Variants in INPP5K observed in about 807,000 individuals in gnomAD.
The protein encoded by INPP5K is inositol polyphosphate 5-phosphatase K.
Under a neutral mutation model 53.5 loss-of-function variants are expected in INPP5K, and 35 were observed. That is an observed-to-expected ratio of 0.65 (90% CI 0.50 to 0.87). The LOEUF is 0.87. Among genes scored for constraint, INPP5K ranks in the 40% least tolerant of loss-of-function variants. The pLI is 0.00. For missense variants in INPP5K, 550 were observed against 586.2 expected, an observed-to-expected ratio of 0.94 and a Z score of 0.64; for synonymous variants, 253 against 232.8, an observed-to-expected ratio of 1.09 and a Z score of -0.79.
intron 7 of INPP5K, among the ~76,000 whole-genome samples, chr17:1,503,849 G>A (rs1328362531): frequency 1.3e-5 from 2 of 152,170 alleles, no homozygotes; most frequent in African/African-American, 2.4e-5. Flanking sequence ...AGCTGGCCTC[G>A]TTTCTCATTA....
At chr17:1,502,832 G>C (rs1043309778) in intron 7 of INPP5K, among the ~76,000 whole-genome samples, 2 of 151,884 alleles carry the variant, frequency 1.3e-5, no homozygotes, top group African/African-American at 4.8e-5. Flanking sequence ...AGGCTCAAAT[G>C]ATCCTCCTGC....
At chr17:1,503,425 C>T (rs907643213) in intron 7 of INPP5K, among the ~76,000 whole-genome samples, 15 of 152,116 alleles carry the variant, frequency 9.9e-5, no homozygotes, top group African/African-American at 3.4e-4. Flanking sequence ...ACCTCGTGAT[C>T]CACCCGCCTG....
chr17:1,502,607 T>C (rs1031398486), intron 7 of INPP5K, among the ~76,000 whole-genome samples: 1 of 151,156 alleles, frequency 6.6e-6, no homozygotes, highest in Non-Finnish European at 1.5e-5. Context: ...TAGCCCTTCT[T>C]ATGTGCCCCG....
chr17:1,500,316 G>A (rs2074972979), intron 7 of INPP5K, among the ~76,000 whole-genome samples: 1 of 152,064 alleles, frequency 6.6e-6, no homozygotes, highest in African/African-American at 2.4e-5. Context: ...TTCTTCACCA[G>A]GGAGAGGCCT....
At chr17:1,515,205 G>A (rs376907376) in intron 1 of INPP5K, among the ~76,000 whole-genome samples, 8 of 152,110 alleles carry the variant, frequency 5.3e-5, no homozygotes, top group African/African-American at 1.2e-4. Context: ...CACCGCGCCC[G>A]GCCAAGGAGT....
Position 1,498,052 on chromosome 17 carries a change from G to T in INPP5K, c.847C>A (p.Pro283Thr), listed in dbSNP as rs1365743530. ...GACGCCGGCGGTATGGGAGTGTCGG[G>T]GCCAGCACAGGGCTGCCGCTTCAGC... ...WRLKRQPCAG[P>T]DTPIPPASHF... The change falls in exon 8 of 12, where the codon CCC becomes ACC. Residue 283 changes from proline (P) to threonine (T), a missense_variant. Physicochemically the swap from Pro to Thr is conservative, Grantham distance 38. Transcript: ENST00000421807. 4.3e-6 allele frequency: 7 copies of T among 1,613,986 alleles called. No homozygotes were observed. The highest frequency in any genetic ancestry group is 1.3e-5 in the African/African-American group (1 of 74,920).
Position 1,508,148 on chromosome 17 carries a change from A to AT in INPP5K, c.632dup (p.Asn211LysfsTer20). 6.2e-7 allele frequency: 1 copy of AT among 1,614,058 alleles called. No individual in the cohort carries two copies. The highest frequency in any genetic ancestry group is 8.5e-7 in the Non-Finnish European group (1 of 1,179,980). On this transcript the variant is annotated frameshift_variant, in exon 6 of 12. Coordinates refer to ENST00000421807, the MANE Select transcript of INPP5K (RefSeq NM_016532.4). LOFTEE classifies it high-confidence loss of function. Reference sequence around the variant, plus strand: ...TCTCCCACAGGCCACCGTAGCACCGATTTTTAATGGATTCCCGAACAAAGT... The same window carrying AT: ...TCTCCCACAGGCCACCGTAGCACCGATTTTTTAATGGATTCCCGAACAAAGT...
At position 1,498,049 on chromosome 17, in the gene INPP5K, C is replaced by T. The variant is rs149283703; in HGVS notation, c.850G>A (p.Asp284Asn). The change falls in exon 8 of 12, where the codon GAC becomes AAC. Residue 284 changes from aspartate to asparagine, a missense_variant. Coordinates refer to ENST00000421807, the MANE Select transcript of INPP5K (RefSeq NM_016532.4). ...TGTGACGCCGGCGGTATGGGAGTGT[C>T]GGGGCCAGCACAGGGCTGCCGCTTC... ...RLKRQPCAGP[D>N]TPIPPASHFS... is the part of the protein sequence containing the mutation. The T allele has an allele frequency of 7.1e-5, 114 of 1,614,076 alleles. No homozygotes were observed. The highest frequency in any genetic ancestry group is 6.9e-4 in the African/African-American group (52 of 75,036).
chr17:1,513,803 G>A, intron 2 of INPP5K, 69 bp downstream of exon 2: 2 of 1,247,994 alleles, frequency 1.6e-6, no homozygotes, highest in East Asian at 2.3e-5. Context: ...AGGAGGGCAG[G>A]TCACAGTGCT....
chr17:1,500,079 C>T (rs1369265975), intron 7 of INPP5K, among the ~76,000 whole-genome samples: 2 of 152,200 alleles, frequency 1.3e-5, no homozygotes, highest in Non-Finnish European at 2.9e-5. Flanking sequence ...TCCTGACCAG[C>T]TGGGACCACA....
At chr17:1,503,853 C>G (rs2075093781) in intron 7 of INPP5K, among the ~76,000 whole-genome samples, 1 of 152,184 alleles carries the variant, frequency 6.6e-6, no homozygotes, top group South Asian at 2.1e-4. Flanking sequence ...GGCCTCGTTT[C>G]TCATTACATC....
intron 7 of INPP5K, among the ~76,000 whole-genome samples, chr17:1,500,148 GA>G (rs2074968676): frequency 6.6e-6 from 1 of 152,234 alleles, no homozygotes; most frequent in African/African-American, 2.4e-5. Context: ...ACTGCCTCCA[GA>G]ATAAAGTTAA....
intron 7 of INPP5K, among the ~76,000 whole-genome samples, chr17:1,504,783 C>T (rs998655587): frequency 2.6e-5 from 4 of 152,222 alleles, no homozygotes; most frequent in Non-Finnish European, 5.9e-5. Context: ...GAAATAGGTG[C>T]GTGCCTCCTC....
intron 4 of INPP5K, among the ~76,000 whole-genome samples, 161 bp downstream of exon 4, chr17:1,509,522 G>A (rs920516744): frequency 1.3e-5 from 2 of 152,020 alleles, no homozygotes; most frequent in African/African-American, 4.8e-5. Flanking sequence ...AGCTCGCCTC[G>A]CCTGGCCTCA....
intron 3 of INPP5K, among the ~76,000 whole-genome samples, chr17:1,511,950 G>C (rs1011291668): frequency 6.6e-6 from 1 of 152,146 alleles, no homozygotes; most frequent in Non-Finnish European, 1.5e-5. Context: ...AGAGTTCTAG[G>C]GAAAGTTCTA....
At chr17:1,516,109 G>T in intron 1 of INPP5K, 1 of 1,215,670 alleles carries the variant, frequency 8.2e-7, no homozygotes, top group Non-Finnish European at 1.0e-6. Flanking sequence ...CAGACCTCCT[G>T]ATGTATGTGC....
chr17:1,514,004 T>A, intron 1 of INPP5K, 25 bp from the exon 2 acceptor site: 1 of 1,536,786 alleles, frequency 6.5e-7, no homozygotes, highest in Non-Finnish European at 9.0e-7. Flanking sequence ...CAGAGGGAAG[T>A]CATGGAGGAA....
intron 1 of INPP5K, among the ~76,000 whole-genome samples, chr17:1,514,971 A>C (rs2075399380): frequency 7.0e-6 from 1 of 142,856 alleles, no homozygotes; most frequent in Admixed American, 7.2e-5. Context: ...GACTGGGATG[A>C]TCTCGGCTCA....
At chr17:1,498,198 A>C (rs533507934) in intron 7 of INPP5K, 76 bp from the exon 8 acceptor site, 26 of 1,313,688 alleles carry the variant, frequency 2.0e-5, no homozygotes, top group Admixed American at 8.3e-5. Flanking sequence ...ATGAGCCCAC[A>C]TGAGCTTGCT....
Sources: allele counts gnomAD v4.1 joint callset (sites outside exome capture counted in the v4.1 genomes callset), GRCh38; gene constraint gnomAD v4.1.1; transcripts MANE v1.5; gene names NCBI Gene and HGNC (gene_info 2026-07-23, HGNC 2026-07-21).